RORA: variants seen among roughly 807,000 people sequenced by gnomAD.
RORA encodes RAR related orphan receptor A.
RORA carries 7 observed loss-of-function variants against 69.5 expected under a neutral mutation model. That is an observed-to-expected ratio of 0.10 (90% CI 0.06 to 0.19). The LOEUF is 0.19. Ranked by LOEUF, RORA falls within the 10% of genes least tolerant of loss-of-function variation. RORA has a pLI of 1.00. For missense variants in RORA, 457 were observed against 663.0 expected, an observed-to-expected ratio of 0.69 and a Z score of 3.41; for synonymous variants, 261 against 240.8, an observed-to-expected ratio of 1.08 and a Z score of -0.78.
intron 1 of RORA, among the ~76,000 whole-genome samples, chr15:61,156,605 C>T (rs1049304941): frequency 2.6e-5 from 4 of 152,102 alleles, no homozygotes; most frequent in African/African-American, 9.7e-5. Flanking sequence ...GGTAGAAGCA[C>T]TCTGAGAAGG....
intron 2 of RORA, among the ~76,000 whole-genome samples, chr15:60,582,631 G>A (rs141630724): frequency 1.3e-5 from 2 of 152,178 alleles, no homozygotes; most frequent in African/African-American, 4.8e-5. Context: ...GGGCTTCAGA[G>A]GTTTCTCAAC....
At chr15:61,049,406 T>C (rs1189880513) in intron 1 of RORA, among the ~76,000 whole-genome samples, 2 of 152,132 alleles carry the variant, frequency 1.3e-5, no homozygotes, top group Admixed American at 1.3e-4. Context: ...AGTTGCAGAA[T>C]TCAGTGATCA....
intron 1 of RORA, among the ~76,000 whole-genome samples, chr15:60,995,878 G>T (rs1251863734): frequency 1.3e-5 from 2 of 152,204 alleles, no homozygotes; most frequent in African/African-American, 4.8e-5. Context: ...AATATTTTGA[G>T]TCAAGTTCAA....
In RORA at chr15:60,867,577, C is replaced by T. The variant is rs377249471; in HGVS notation, c.167-188891G>A. 1.9e-4 allele frequency among the ~76,000 whole-genome samples: 29 copies of T among 152,252 alleles called. No homozygotes were observed. In the Middle Eastern group the frequency reaches 0.01, roughly 54 times the overall value. On this transcript the variant is annotated intron_variant, in intron 1 of 10. Transcript: ENST00000335670. ...CATAGGCTATATATTTGACCTACAT[C>T]GCCCTTTTTGCCAAGTTTATTTTAA...
intron 1 of RORA, among the ~76,000 whole-genome samples, chr15:60,738,925 T>C (rs1386528493): frequency 6.6e-6 from 1 of 152,206 alleles, no homozygotes; most frequent in Non-Finnish European, 1.5e-5. Flanking sequence ...CACAAAGCAT[T>C]CTCCCTGTGT....
chr15:61,187,050 A>G (rs964771728), intron 1 of RORA, among the ~76,000 whole-genome samples: 3 of 152,248 alleles, frequency 2.0e-5, no homozygotes, highest in East Asian at 1.9e-4. Flanking sequence ...ACTTTGTCCA[A>G]TTAGAAGTGT....
intron 1 of RORA, among the ~76,000 whole-genome samples, chr15:60,705,259 C>A (rs1361598974): frequency 1.3e-5 from 2 of 152,072 alleles, no homozygotes; most frequent in Non-Finnish European, 2.9e-5. Context: ...GTATTAAATG[C>A]CAAATAAGGA....
At chr15:60,505,396 A>C in intron 6 of RORA, 112 bp downstream of exon 6, 32 of 1,085,208 alleles carry the variant, frequency 2.9e-5, no homozygotes, top group Non-Finnish European at 3.9e-5. Flanking sequence ...TTTAAACAGA[A>C]ACCTGATGAC....
intron 1 of RORA, among the ~76,000 whole-genome samples, chr15:61,088,768 A>AG (rs1489806864): frequency 3.9e-5 from 6 of 152,212 alleles, no homozygotes; most frequent in Admixed American, 2.6e-4. Flanking sequence ...CAGCAAGAAA[A>AG]GGTCTTCCAT....
rs912501976 is a variant in RORA at position 61,020,151 on chromosome 15, C to T, written c.166+208902G>A. ...AAATCCTAATGTGGCTGCCACTGTC[C>T]GAATTTTGCAAGTTTGAAACGCTTC... On this transcript the variant is annotated intron_variant, in intron 1 of 10. Coordinates refer to ENST00000335670, the MANE Select transcript of RORA (RefSeq NM_134261.3). Among the ~76,000 whole-genome samples, 5 of 152,150 alleles carry T rather than the reference C, an allele frequency of 3.3e-5. No individual in the cohort carries two copies. The South Asian group carries it at 6.2e-4, about 19-fold the overall frequency.
intron 1 of RORA, among the ~76,000 whole-genome samples, chr15:60,841,702 C>G (rs1325201413): frequency 6.6e-6 from 1 of 152,208 alleles, no homozygotes; most frequent in Non-Finnish European, 1.5e-5. Context: ...CCTCCACACA[C>G]CTGGTCAGTC....
Position 60,830,947 on chromosome 15 carries a change from G to A in RORA, c.167-152261C>T, listed in dbSNP as rs531453319. Among the ~76,000 whole-genome samples the A allele has an allele frequency of 8.5e-5, 13 of 152,218 alleles. No individual in the cohort carries two copies. The South Asian group carries it at 1.7e-3, about 19-fold the overall frequency. On this transcript the variant is annotated intron_variant, in intron 1 of 10. Transcript: ENST00000335670. ...TAAAAATATATGTGTGTGCATGCACGTGTGTGTGTGTATGTGTGTGGATCC... is the reference window on the plus strand; with the variant it reads ...TAAAAATATATGTGTGTGCATGCACATGTGTGTGTGTATGTGTGTGGATCC...
intron 1 of RORA, among the ~76,000 whole-genome samples, chr15:60,930,167 G>A (rs1465098296): frequency 6.6e-6 from 1 of 152,076 alleles, no homozygotes; most frequent in Non-Finnish European, 1.5e-5. Context: ...TTAGATGGTA[G>A]AGCTCTAGCC....
intron 2 of RORA, among the ~76,000 whole-genome samples, chr15:60,641,369 G>A (rs945947020): frequency 9.2e-5 from 14 of 152,110 alleles, no homozygotes; most frequent in Non-Finnish European, 2.1e-4. Flanking sequence ...TAAAAATATC[G>A]TCCTGAAAGT....
intron 1 of RORA, among the ~76,000 whole-genome samples, chr15:61,173,418 T>C (rs540860196): frequency 2.9e-4 from 44 of 152,330 alleles, no homozygotes; most frequent in South Asian, 1.5e-3. Context: ...GAAGGATAAA[T>C]GCATAACTTG....
intron 1 of RORA, among the ~76,000 whole-genome samples, chr15:61,011,330 A>G (rs1895078887): frequency 6.6e-6 from 1 of 152,226 alleles, no homozygotes; most frequent in South Asian, 2.1e-4. Context: ...GAATTCTAAG[A>G]CAATTTTCTT....
At chr15:60,575,971 C>T (rs2068013232) in intron 2 of RORA, among the ~76,000 whole-genome samples, 1 of 152,212 alleles carries the variant, frequency 6.6e-6, no homozygotes, top group Non-Finnish European at 1.5e-5. Flanking sequence ...TCCTCAGCTG[C>T]ACCTTCCCAA....
intron 2 of RORA, among the ~76,000 whole-genome samples, chr15:60,540,071 A>C (rs145248170): frequency 2.6e-5 from 4 of 152,320 alleles, no homozygotes; most frequent in Non-Finnish European, 5.9e-5. Flanking sequence ...GGAAATTCCT[A>C]ATAACGTTGT....
At chr15:60,543,113 G>A (rs189896838) in intron 2 of RORA, among the ~76,000 whole-genome samples, 5 of 139,938 alleles carry the variant, frequency 3.6e-5, no homozygotes, top group East Asian at 4.3e-4. Flanking sequence ...ACCCACCAGC[G>A]CACCTCGTCT....
Sources: allele counts gnomAD v4.1 joint callset (sites outside exome capture counted in the v4.1 genomes callset), GRCh38; gene constraint gnomAD v4.1.1; transcripts MANE v1.5; gene names NCBI Gene and HGNC (gene_info 2026-07-23, HGNC 2026-07-21).